The following NEDD4L variants were observed in gnomAD, a reference collection of about 807,000 sequenced individuals.
NEDD4L encodes the protein NEDD4 like E3 ubiquitin protein ligase.
In NEDD4L, 54 loss-of-function variants were observed where a neutral mutation model predicts 148.9. That is an observed-to-expected ratio of 0.36 (90% confidence interval 0.29 to 0.45). The LOEUF (loss-of-function observed/expected upper bound fraction) is 0.45, where lower values mean the gene tolerates loss of function less well. Ranked by LOEUF, NEDD4L falls within the 20% of genes least tolerant of loss-of-function variation. The pLI, the probability that NEDD4L is intolerant of heterozygous loss-of-function variation, is 1.00. For synonymous variants in NEDD4L, 433 were observed against 440.7 expected (o/e 0.98, Z 0.22); for missense variants, 856 against 1,233.8 (o/e 0.69, Z 4.59).
intron 3 of NEDD4L, chr18:58,247,423 G>T (rs887671690): frequency 6.6e-6 from 1 of 152,252 alleles, no homozygotes; most frequent in Non-Finnish European, 1.5e-5. Flanking sequence ...AGGCGAGTGG[G>T]GGCTGTCTAG....
intron 1 of NEDD4L, among the ~76,000 whole-genome samples, chr18:58,139,720 G>T (rs990188895): frequency 5.9e-5 from 9 of 152,188 alleles, no homozygotes; most frequent in Non-Finnish European, 8.8e-5. Flanking sequence ...AGAGGCAGCT[G>T]TGCCTGAGGA....
At chr18:58,201,785 C>T (rs908821040) in intron 2 of NEDD4L, among the ~76,000 whole-genome samples, 7 of 152,186 alleles carry the variant, frequency 4.6e-5, no homozygotes, top group African/African-American at 1.4e-4. Flanking sequence ...ACTCATAAAG[C>T]AGCACATGGT....
chr18:58,367,785 C>G lies in NEDD4L; in HGVS notation c.2103C>G (p.Leu701=). ...TTCAGATCAACCCTAATTCAGGCCT[C>G]TGTAATGAGGATCATTTGTCCTACT... The part of the protein sequence containing the change: ...YTLQINPNSG[L]CNEDHLSYFT... Residue 701 remains leucine (L), a synonymous_variant, in exon 22 of 31, where the codon CTC becomes CTG. Coordinates refer to ENST00000400345, the MANE Select transcript of NEDD4L (RefSeq NM_001144967.3). 1 of 1,613,880 alleles carries G rather than the reference C, an allele frequency of 6.2e-7. No individual in the cohort carries two copies. The highest frequency in any genetic ancestry group is 8.5e-7 in the Non-Finnish European group (1 of 1,179,776).
At chr18:58,381,837 C>G (rs1182686285) in intron 24 of NEDD4L, among the ~76,000 whole-genome samples, 1 of 152,158 alleles carries the variant, frequency 6.6e-6, no homozygotes, top group Non-Finnish European at 1.5e-5. Context: ...CCCACCCCAC[C>G]CCCAAGTGGA....
chr18:58,204,755 A>G (rs1360781297), intron 2 of NEDD4L, among the ~76,000 whole-genome samples: 3 of 152,254 alleles, frequency 2.0e-5, no homozygotes, highest in African/African-American at 7.2e-5. Context: ...CACTCATTAC[A>G]TAAAAGGTTT....
intron 2 of NEDD4L, among the ~76,000 whole-genome samples, chr18:58,185,283 T>C (rs2039341559): frequency 6.6e-6 from 1 of 152,152 alleles, no homozygotes; most frequent in Non-Finnish European, 1.5e-5. Flanking sequence ...GCACCATTAG[T>C]AGAAACAGAT....
chr18:58,301,449 G>C (rs576099895), intron 5 of NEDD4L, among the ~76,000 whole-genome samples: 5 of 152,138 alleles, frequency 3.3e-5, no homozygotes, highest in African/African-American at 1.2e-4. Context: ...CACTCTCTCT[G>C]GTTTTCTTTC....
intron 5 of NEDD4L, among the ~76,000 whole-genome samples, chr18:58,278,419 C>T (rs1471732724): frequency 1.3e-5 from 2 of 152,210 alleles, no homozygotes; most frequent in Non-Finnish European, 2.9e-5. Context: ...AGTTTCCTAC[C>T]TGGTTAGACA....
chr18:58,298,837 G>A (rs1045078313), intron 5 of NEDD4L, among the ~76,000 whole-genome samples: 1 of 152,170 alleles, frequency 6.6e-6, no homozygotes, highest in Non-Finnish European at 1.5e-5. Context: ...TTGCAGCATA[G>A]CATATTATTT....
At chr18:58,055,135 A>G (rs1231000216) in intron 1 of NEDD4L, among the ~76,000 whole-genome samples, 2 of 152,150 alleles carry the variant, frequency 1.3e-5, no homozygotes, top group Non-Finnish European at 2.9e-5. Flanking sequence ...GTAGAATCCT[A>G]TTGTGGTTAA....
chr18:58,182,000 T>C (rs1340048972), intron 2 of NEDD4L, among the ~76,000 whole-genome samples: 1 of 152,194 alleles, frequency 6.6e-6, no homozygotes, highest in Non-Finnish European at 1.5e-5. Flanking sequence ...TTTTTCAGAC[T>C]GATGATTGTG....
At chr18:58,044,817 A>C in intron 1 of NEDD4L, 109 bp downstream of exon 1, 1 of 1,393,166 alleles carries the variant, frequency 7.2e-7, no homozygotes, top group Middle Eastern at 1.9e-4. Flanking sequence ...CAGCGTCTGC[A>C]GGGGAGCCCC....
intron 1 of NEDD4L, among the ~76,000 whole-genome samples, chr18:58,121,455 C>CA (rs762086906): frequency 4.0e-5 from 6 of 151,644 alleles, no homozygotes; most frequent in African/African-American, 1.5e-4. Flanking sequence ...CAGGGTCTCT[C>CA]TATCACCCAG....
At chr18:58,268,011 C>T (rs570382220) in intron 5 of NEDD4L, among the ~76,000 whole-genome samples, 22 of 152,126 alleles carry the variant, frequency 1.4e-4, no homozygotes, top group African/African-American at 2.9e-4. Flanking sequence ...AATTGCTCTG[C>T]GCCTTCTGAT....
At chr18:58,133,065 T>G in intron 1 of NEDD4L, among the ~76,000 whole-genome samples, 1 of 152,242 alleles carries the variant, frequency 6.6e-6, no homozygotes, top group East Asian at 1.9e-4. Context: ...ATGACTCGTC[T>G]TCTCTTACTT....
chr18:58,132,227 A>G (rs1338517540), intron 1 of NEDD4L, among the ~76,000 whole-genome samples: 1 of 145,410 alleles, frequency 6.9e-6, no homozygotes, highest in Admixed American at 6.9e-5. Flanking sequence ...AGTTGTTGTT[A>G]TTGTTGTTTT....
intron 5 of NEDD4L, among the ~76,000 whole-genome samples, chr18:58,276,696 ATT>A (rs1252822191): frequency 1.3e-4 from 11 of 86,190 alleles, no homozygotes; most frequent in African/African-American, 3.5e-4. Flanking sequence ...TAATAATAAT[ATT>A]ATTATTATTA....
intron 1 of NEDD4L, among the ~76,000 whole-genome samples, chr18:58,158,329 C>T (rs1233363493): frequency 6.6e-6 from 1 of 152,202 alleles, no homozygotes; most frequent in Non-Finnish European, 1.5e-5. Flanking sequence ...CACACTGTCA[C>T]CTCTTCCATA....
chr18:58,177,952 C>T (rs998114128), intron 2 of NEDD4L, among the ~76,000 whole-genome samples: 1 of 152,070 alleles, frequency 6.6e-6, no homozygotes, highest in Non-Finnish European at 1.5e-5. Context: ...AAATCAGGGC[C>T]TAACAAGCTT....
Sources: gnomAD v4.1 joint callset for allele counts (sites outside exome capture counted in the v4.1 genomes callset) on GRCh38, gnomAD v4.1.1 for gene constraint, MANE v1.5 for transcripts, NCBI Gene and HGNC (gene_info 2026-07-23, HGNC 2026-07-21) for gene names.